The following CACNA2D3 variants were observed in gnomAD, a reference collection of about 807,000 sequenced individuals.
CACNA2D3 encodes the protein voltage-dependent calcium channel subunit alpha-2/delta-3.
A neutral mutation model predicts 160.6 loss-of-function variants in CACNA2D3; 60 were observed. The observed-to-expected ratio is 0.37, with a 90% CI of 0.30 to 0.46. The LOEUF (loss-of-function observed/expected upper bound fraction) is 0.46. Ranked by LOEUF, CACNA2D3 falls within the 20% of genes least tolerant of loss-of-function variation. CACNA2D3 has a pLI of 1.00. For missense variants in CACNA2D3, 1,205 were observed against 1,365.0 expected, an observed-to-expected ratio of 0.88 and a Z score of 1.85; for synonymous variants, 558 against 492.9, an observed-to-expected ratio of 1.13 and a Z score of -1.75.
chr3:54,867,839 C>T lies in CACNA2D3; in HGVS notation c.1627-3700C>T, dbSNP rs540222449. Among the ~76,000 whole-genome samples, 16 of 152,302 alleles carry T rather than the reference C, an allele frequency of 1.1e-4. No individual in the cohort carries two copies. The South Asian group carries it at 1.5e-3, about 14-fold the overall frequency. Reference sequence around the variant, plus strand: ...ATCTCTTGAATCTCATTTGAATTTGCGTGGGTTATGTACCCACCTCTGAAC... The same window carrying T: ...ATCTCTTGAATCTCATTTGAATTTGTGTGGGTTATGTACCCACCTCTGAAC... On this transcript the variant is annotated intron_variant, in intron 17 of 37. Transcript: ENST00000474759.
At chr3:54,513,019 C>CA (rs1177510422) in intron 5 of CACNA2D3, among the ~76,000 whole-genome samples, 2 of 152,120 alleles carry the variant, frequency 1.3e-5, no homozygotes, top group Non-Finnish European at 2.9e-5. Context: ...TATTCACTAT[C>CA]ATGAGAACAG....
chr3:54,209,123 A>G (rs1038962196), intron 2 of CACNA2D3, among the ~76,000 whole-genome samples: 2 of 152,214 alleles, frequency 1.3e-5, no homozygotes, highest in African/African-American at 4.8e-5. Context: ...ACAATTTAAA[A>G]AGAGATTTGG....
rs116796440 is a variant in CACNA2D3, at chr3:54,484,778, C to T, written c.382-18714C>T. ...CTTAAATTGGACTTTGTGCAGAAAC[C>T]CTTTTTAGTCTGTTGTGAATTATGA... On this transcript the variant is annotated intron_variant, in intron 4 of 37. Transcript: ENST00000474759. Among the ~76,000 whole-genome samples, 739 of 152,012 alleles carry T rather than the reference C, an allele frequency of 4.9e-3. 1 individual carries two copies. Among genetic ancestry groups the T allele is most frequent in the African/African-American group, 0.017 (718 of 41,460 alleles).
intron 2 of CACNA2D3, among the ~76,000 whole-genome samples, chr3:54,223,057 C>T: frequency 6.6e-6 from 1 of 152,068 alleles, no homozygotes; most frequent in East Asian, 1.9e-4. Flanking sequence ...CCTTTACCAC[C>T]TTGTTAATTA....
chr3:54,807,367 A>T (rs1453706150), intron 13 of CACNA2D3, among the ~76,000 whole-genome samples: 3 of 151,776 alleles, frequency 2.0e-5, no homozygotes, highest in African/African-American at 7.3e-5. Flanking sequence ...AGAAAAAAAC[A>T]AACAACCCCA....
At chr3:54,764,480 A>G (rs1040991172) in intron 13 of CACNA2D3, 129 bp downstream of exon 13, 122 of 1,161,044 alleles carry the variant, frequency 1.1e-4, no homozygotes, top group South Asian at 1.3e-4. Context: ...GATTGTTTGT[A>G]TAGTGTTGGT....
chr3:54,694,354 C>T (rs929384957), intron 11 of CACNA2D3, among the ~76,000 whole-genome samples: 1 of 152,194 alleles, frequency 6.6e-6, no homozygotes, highest in Non-Finnish European at 1.5e-5. Context: ...TGTGTAAATA[C>T]ACTCTATGGT....
chr3:55,066,456 T>G (rs1704637421), intron 35 of CACNA2D3, among the ~76,000 whole-genome samples: 1 of 152,204 alleles, frequency 6.6e-6, no homozygotes, highest in Non-Finnish European at 1.5e-5. Context: ...TCTCCACATG[T>G]GCAATCCTGT....
intron 9 of CACNA2D3, among the ~76,000 whole-genome samples, chr3:54,608,016 T>C (rs1414462373): frequency 6.6e-6 from 1 of 151,952 alleles, no homozygotes. Context: ...GAGGGGAGTA[T>C]AGGGCGATAA....
chr3:54,310,152 T>C (rs1703704071), intron 2 of CACNA2D3, among the ~76,000 whole-genome samples: 1 of 152,086 alleles, frequency 6.6e-6, no homozygotes, highest in East Asian at 1.9e-4. Context: ...GAAACAGAAT[T>C]ATTCATACAA....
intron 31 of CACNA2D3, among the ~76,000 whole-genome samples, chr3:55,000,125 G>A (rs1702948293): frequency 6.6e-6 from 1 of 152,256 alleles, no homozygotes; most frequent in South Asian, 2.1e-4. Flanking sequence ...CACAGCACCA[G>A]TCTTGGGCTG....
At chr3:54,485,120 C>T (rs553483353) in intron 4 of CACNA2D3, among the ~76,000 whole-genome samples, 62 of 152,104 alleles carry the variant, frequency 4.1e-4, no homozygotes, top group Admixed American at 2.6e-3. Context: ...GCTGGGATTA[C>T]AGGCATGAGC....
At chr3:54,470,502 A>G (rs974681039) in intron 4 of CACNA2D3, among the ~76,000 whole-genome samples, 1 of 152,202 alleles carries the variant, frequency 6.6e-6, no homozygotes, top group Non-Finnish European at 1.5e-5. Context: ...AAAGACTATC[A>G]AGTCTATGAA....
At chr3:54,181,896 A>G (rs1234403293) in intron 2 of CACNA2D3, among the ~76,000 whole-genome samples, 3 of 152,164 alleles carry the variant, frequency 2.0e-5, no homozygotes, top group Non-Finnish European at 4.4e-5. Flanking sequence ...AGAGCCTGAC[A>G]CATAATAAGC....
chr3:54,839,601 G>A lies in CACNA2D3; in HGVS notation c.1551+953G>A, dbSNP rs141611478. On this transcript the variant is annotated intron_variant, in intron 16 of 37. Transcript: ENST00000474759. Reference sequence around the variant, plus strand: ...TTTCTGGCCCACTCAGATTAACGAGGGTTCTCTTTGTCTCCATCTAAAGGG... The same window carrying A: ...TTTCTGGCCCACTCAGATTAACGAGAGTTCTCTTTGTCTCCATCTAAAGGG... Among the ~76,000 whole-genome samples the A allele has an allele frequency of 3.7e-3, 557 of 152,286 alleles. 3 individuals are homozygous for A. Among genetic ancestry groups the A allele is most frequent in the African/African-American group, 0.013 (525 of 41,572 alleles).
intron 3 of CACNA2D3, among the ~76,000 whole-genome samples, chr3:54,380,331 C>G (rs115267097): frequency 4.9e-4 from 74 of 152,346 alleles, no homozygotes; most frequent in African/African-American, 1.8e-3. Context: ...GTCTTCACTT[C>G]TGTAGACTGT....
At chr3:54,669,756 A>C (rs954654391) in intron 11 of CACNA2D3, among the ~76,000 whole-genome samples, 1 of 151,894 alleles carries the variant, frequency 6.6e-6, no homozygotes, top group African/African-American at 2.4e-5. Context: ...AAAACTTTTA[A>C]TTTTATTTTT....
chr3:54,565,569 A>G (rs1702396566), intron 6 of CACNA2D3, among the ~76,000 whole-genome samples: 1 of 152,108 alleles, frequency 6.6e-6, no homozygotes, highest in African/African-American at 2.4e-5. Context: ...TAATATCACT[A>G]ATGTCACTGG....
At chr3:54,692,172 C>T (rs918064920) in intron 11 of CACNA2D3, among the ~76,000 whole-genome samples, 1 of 152,160 alleles carries the variant, frequency 6.6e-6, no homozygotes, top group Non-Finnish European at 1.5e-5. Flanking sequence ...CAGGGTTTCA[C>T]CATGTTGGCC....
Sources: allele counts gnomAD v4.1 joint callset (sites outside exome capture counted in the v4.1 genomes callset), GRCh38; gene constraint gnomAD v4.1.1; transcripts MANE v1.5; gene names NCBI Gene and HGNC (gene_info 2026-07-23, HGNC 2026-07-21).